Variants in SLC26A11 observed in about 807,000 individuals in gnomAD.
The protein encoded by SLC26A11 is sodium-independent sulfate anion transporter.
In SLC26A11, 58 loss-of-function variants were observed where a neutral mutation model predicts 62.2. The ratio of observed to expected loss-of-function variants is 0.93; its 90% CI spans 0.76 to 1.16. The LOEUF (loss-of-function observed/expected upper bound fraction) is 1.16, where lower values mean the gene tolerates loss of function less well. Ranked by LOEUF, SLC26A11 falls within the 50% of genes most tolerant of loss-of-function variation. The probability of loss-of-function intolerance (pLI) is 0.00; values close to 1 mark genes in which losing one functional copy is unlikely to be tolerated. For synonymous variants in SLC26A11, 411 were observed against 368.9 expected, an observed-to-expected ratio of 1.11 and a Z score of -1.31; for missense variants, 790 against 794.3, an observed-to-expected ratio of 0.99 and a Z score of 0.06.
intron 9 of SLC26A11, among the ~76,000 whole-genome samples, chr17:80,238,655 C>T (rs748949019): frequency 3.9e-5 from 6 of 152,036 alleles, no homozygotes; most frequent in Non-Finnish European, 8.8e-5. Context: ...GTCCTTCTTG[C>T]GTTTGGGTTT....
intron 10 of SLC26A11, among the ~76,000 whole-genome samples, chr17:80,243,482 C>T (rs964812582): frequency 6.6e-6 from 1 of 152,182 alleles, no homozygotes; most frequent in Non-Finnish European, 1.5e-5. Context: ...TCTGCAACCT[C>T]CGTCTCCTGG....
rs543616586 is a variant in SLC26A11 at position 80,242,691 on chromosome 17, T to C, written c.1036+870T>C. Among the ~76,000 whole-genome samples, 274 of 152,148 alleles carry C rather than the reference T, an allele frequency of 1.8e-3. 1 individual carries two copies. Among genetic ancestry groups the C allele is most frequent in the Non-Finnish European group, 3.5e-3 (238 of 68,024 alleles). On this transcript the variant is annotated intron_variant, in intron 10 of 17. Coordinates refer to ENST00000361193, the MANE Select transcript of SLC26A11 (RefSeq NM_001166347.2). ...GCGGGCTGACTTCTTAGTGGTATAT[T>C]TCGAGACCACAGTGTGAATCTTTTT...
intron 10 of SLC26A11, among the ~76,000 whole-genome samples, chr17:80,243,212 G>A (rs759430364): frequency 2.6e-5 from 4 of 152,118 alleles, no homozygotes; most frequent in African/African-American, 9.7e-5. Context: ...GGTCACAAAG[G>A]GACGTTGCCC....
chr17:80,241,327 T>C (rs2042854424), intron 9 of SLC26A11, among the ~76,000 whole-genome samples: 1 of 152,194 alleles, frequency 6.6e-6, no homozygotes, highest in South Asian at 2.1e-4. Context: ...TGGCACGATC[T>C]CATCTCACTG....
chr17:80,239,077 ATTT>A lies in SLC26A11; in HGVS notation c.985+1501_985+1503del, dbSNP rs111257231. 9.6e-4 allele frequency among the ~76,000 whole-genome samples: 118 copies of A among 122,302 alleles called. 3 individuals carry two copies. Among genetic ancestry groups the A allele is most frequent in the Middle Eastern group, 5.3e-3 (1 of 190 alleles). The allele number at this position is 122,302 out of a possible 152,430, so 80.2% of individuals were successfully genotyped here. A position where few individuals can be genotyped will look rare whatever the true frequency, so the allele number is the denominator to read the frequency against. On this transcript the variant is annotated intron_variant, in intron 9 of 17. Coordinates refer to ENST00000361193, the MANE Select transcript of SLC26A11 (RefSeq NM_001166347.2). ...ATCTGCCCACCTGGGCCTCCCAGTAATTTTTTTTTTTTTTTTTTTTGAGATAGT... is the reference window on the plus strand; with the variant it reads ...ATCTGCCCACCTGGGCCTCCCAGTAATTTTTTTTTTTTTTTTTGAGATAGT...
rs912336683 is a variant in SLC26A11, at chr17:80,252,354, A to G, written c.1730-271A>G. Among the ~76,000 whole-genome samples, 6 of 152,160 alleles carry G rather than the reference A, an allele frequency of 3.9e-5. No individual in the cohort carries two copies. The highest frequency in any genetic ancestry group is 8.8e-5 in the Non-Finnish European group (6 of 68,012). On this transcript the variant is annotated intron_variant, in intron 17 of 17. Coordinates refer to ENST00000361193, the MANE Select transcript of SLC26A11 (RefSeq NM_001166347.2). This position sits in a 1 kb window ranked among gnomAD's most constrained non-coding sequence, Gnocchi z 5.2. ...TGTAGAATCAGCTCAGATGCAGTGC[A>G]CTGGAGGTGGATAAGCAGAATGTGG...
rs148454524 is a variant in SLC26A11 at position 80,221,694 on chromosome 17, T to G, written c.134T>G (p.Leu45Arg). ...CTGGCGTGGCTGCCCAGCTACTCCC[T>G]GCAGTGGCTGAAGATGGATTTCGTC... ...PILAWLPSYSLQWLKMDFVAG... is the reference protein window; with the variant it reads ...PILAWLPSYSRQWLKMDFVAG... The change falls in exon 3 of 18, where the codon CTG becomes CGG. Residue 45 changes from leucine to arginine, a missense_variant. Physicochemically the swap from Leu to Arg is moderately radical, Grantham distance 102 (BLOSUM62 -2). Transcript: ENST00000361193. 4.6e-5 allele frequency: 74 copies of G among 1,613,564 alleles called. No homozygotes were observed. The highest frequency in any genetic ancestry group is 3.5e-4 in the South Asian group (32 of 91,088).
intron 5 of SLC26A11, among the ~76,000 whole-genome samples, chr17:80,225,088 C>T (rs2042371496): frequency 6.6e-6 from 1 of 152,100 alleles, no homozygotes; most frequent in Non-Finnish European, 1.5e-5. Flanking sequence ...TGGATCCCAG[C>T]TACGTGGGAG....
chr17:80,222,845 T>C lies in SLC26A11; in HGVS notation c.425T>C (p.Leu142Ser), dbSNP rs756529163. The change falls in exon 4 of 18, where the codon TTG becomes TCG. Residue 142 changes from leucine to serine, a missense_variant and splice_region_variant. Leu to Ser is a moderately radical substitution (Grantham distance 145). Transcript: ENST00000361193. This position sits in a 1 kb window ranked among gnomAD's most constrained non-coding sequence, Gnocchi z 4.7. ...CAGCTGGCCATGGGGGTCCTGCGTT[T>C]GGGTGAGGCTCTACCTTCTTGCCAA... ...CIQLAMGVLR[L>S]GFLLDFISYP... 2.9e-5 allele frequency: 46 copies of C among 1,613,690 alleles called. No individual in the cohort carries two copies. Among genetic ancestry groups the C allele is most frequent in the African/African-American group, 4.0e-5 (3 of 74,906 alleles).
rs2043175764 is a variant in SLC26A11, at chr17:80,252,210, C to T, written c.1730-415C>T. On this transcript the variant is annotated intron_variant, in intron 17 of 17. Coordinates refer to ENST00000361193, the MANE Select transcript of SLC26A11 (RefSeq NM_001166347.2). This position sits in a 1 kb window ranked among gnomAD's most constrained non-coding sequence, Gnocchi z 5.2. ...GGTCCCAGGCCCCAGTGCTAGGCCTCTTCCTCTTCCACTGAGGTCACAGCT... is the reference window on the plus strand; with the variant it reads ...GGTCCCAGGCCCCAGTGCTAGGCCTTTTCCTCTTCCACTGAGGTCACAGCT... Among the ~76,000 whole-genome samples the T allele has an allele frequency of 6.6e-6, 1 of 152,170 alleles. No homozygotes were observed.
In SLC26A11 at chr17:80,238,820, G is replaced by GTTTTT. The variant is rs1366044421; in HGVS notation, c.985+1228_985+1232dup. Among the ~76,000 whole-genome samples the GTTTTT allele has an allele frequency of 1.8e-4, 16 of 87,386 alleles. 4 individuals carry two copies. Among genetic ancestry groups the GTTTTT allele is most frequent in the Non-Finnish European group, 1.6e-4 (7 of 42,970 alleles). 57.3% of individuals were successfully genotyped at this position (87,386 alleles called of 152,430 possible). A position where few individuals can be genotyped will look rare whatever the true frequency, so the allele number is the denominator to read the frequency against. ...TACCCCCTTCAAAGGAGTTTTTTTT[G>GTTTTT]TTTTTTGTTTTTTTTTTTTTTTGGA... On this transcript the variant is annotated intron_variant, in intron 9 of 17. Coordinates refer to ENST00000361193, the MANE Select transcript of SLC26A11 (RefSeq NM_001166347.2).
In SLC26A11 at chr17:80,229,575, G is replaced by A. The variant is rs541932578; in HGVS notation, c.736+1615G>A. Among the ~76,000 whole-genome samples, 18 of 152,012 alleles carry A rather than the reference G, an allele frequency of 1.2e-4. 1 individual carries two copies. In the South Asian group the frequency reaches 2.9e-3, roughly 25 times the overall value. On this transcript the variant is annotated intron_variant, in intron 7 of 17. Coordinates refer to ENST00000361193, the MANE Select transcript of SLC26A11 (RefSeq NM_001166347.2). ...CTCGCGAGTAGCTGGGATTACAGGC[G>A]TGCACCACCACACCTGGCTAATTTT...
At chr17:80,241,720 T>A in intron 9 of SLC26A11, 51 bp from the exon 10 acceptor site, 1 of 1,574,276 alleles carries the variant, frequency 6.4e-7, no homozygotes, top group Non-Finnish European at 8.7e-7. Flanking sequence ...GAATACTTTT[T>A]GAGCGATGTT....
intron 6 of SLC26A11, among the ~76,000 whole-genome samples, 198 bp downstream of exon 6, chr17:80,226,114 T>G (rs7209632): frequency 0.6 from 91,341 of 151,360 alleles, 28,371 homozygotes; most frequent in East Asian, 0.97. Flanking sequence ...AGAGCCACAG[T>G]TTTAACAGGA....
chr17:80,221,895 G>A (rs535148013), intron 3 of SLC26A11, 101 bp downstream of exon 3: 101 of 1,242,850 alleles, frequency 8.1e-5, no homozygotes, highest in Admixed American at 4.5e-4. Context: ...TCCAGCCCCT[G>A]GGCCCCAAGG....
intron 7 of SLC26A11, 138 bp from the exon 8 acceptor site, chr17:80,236,790 A>C: frequency 1.2e-6 from 1 of 857,014 alleles, no homozygotes; most frequent in Non-Finnish European, 1.8e-6. Flanking sequence ...TGTGTTTCCC[A>C]GAGTGCAGAG....
At chr17:80,233,324 C>T (rs766335083) in intron 7 of SLC26A11, among the ~76,000 whole-genome samples, 3 of 151,868 alleles carry the variant, frequency 2.0e-5, no homozygotes, top group Admixed American at 6.6e-5. Flanking sequence ...TTTATAGAAA[C>T]GGGCTATGTT....
intron 5 of SLC26A11, among the ~76,000 whole-genome samples, chr17:80,225,266 G>A (rs936139623): frequency 6.6e-6 from 1 of 152,172 alleles, no homozygotes; most frequent in Non-Finnish European, 1.5e-5. Flanking sequence ...AGCTGGTATC[G>A]TGGTGGGAGG....
At chr17:80,226,901 C>T (rs919251670) in intron 6 of SLC26A11, among the ~76,000 whole-genome samples, 6 of 152,196 alleles carry the variant, frequency 3.9e-5, no homozygotes, top group African/African-American at 1.2e-4. Flanking sequence ...CCATCTTCCC[C>T]TCCCCTCTGA....
Sources: gnomAD v4.1 joint callset for allele counts (sites outside exome capture counted in the v4.1 genomes callset) on GRCh38, gnomAD v4.1.1 for gene constraint, Gnocchi (gnomAD v3.1) non-coding constraint, MANE v1.5 for transcripts, NCBI Gene and HGNC (gene_info 2026-07-23, HGNC 2026-07-21) for gene names.